The following CCR5AS variants were observed in gnomAD, a reference collection of about 807,000 sequenced individuals.
CCR5AS encodes the protein CCR5 antisense RNA.
At chr3:46,375,170 T>A (rs1331153903) in intron 2 of CCR5AS, 1 of 167,056 alleles carries the variant, frequency 6.0e-6, no homozygotes, top group Non-Finnish European at 1.5e-5. Context: ...CCAGGCTGTC[T>A]TTCACTGAAT....
At chr3:46,375,460 A>T (rs553155294) in intron 2 of CCR5AS, 1 of 167,172 alleles carries the variant, frequency 6.0e-6, no homozygotes, top group East Asian at 1.9e-4. Flanking sequence ...AGCATTGAGC[A>T]AAGGGGTCCC....
At chr3:46,376,152 T>C (rs1701755038) in intron 2 of CCR5AS, 6 of 167,008 alleles carry the variant, frequency 3.6e-5, no homozygotes. Flanking sequence ...TATGTGAAAG[T>C]TACAAATTGC....
intron 2 of CCR5AS, among the ~76,000 whole-genome samples, chr3:46,391,715 G>A (rs1352569164): frequency 2.0e-5 from 3 of 152,310 alleles, no homozygotes; most frequent in East Asian, 1.9e-4. Flanking sequence ...GTTGTGGAAC[G>A]AAACTGTAAG....
At chr3:46,372,157 C>T (rs928143528) in intron 2 of CCR5AS, among the ~76,000 whole-genome samples, 19 of 152,144 alleles carry the variant, frequency 1.2e-4, no homozygotes, top group African/African-American at 3.9e-4. Flanking sequence ...AGTATGTGCC[C>T]TCGAGGCCTC....
intron 2 of CCR5AS, among the ~76,000 whole-genome samples, chr3:46,380,327 T>C (rs1424181342): frequency 6.6e-6 from 1 of 152,146 alleles, no homozygotes; most frequent in Non-Finnish European, 1.5e-5. Context: ...AGATTTGCAT[T>C]TCTAAAGGGC....
intron 2 of CCR5AS, among the ~76,000 whole-genome samples, chr3:46,390,048 C>A (rs565268467): frequency 6.6e-6 from 1 of 152,132 alleles, no homozygotes; most frequent in Non-Finnish European, 1.5e-5. Flanking sequence ...AGATCATCAA[C>A]ATATTGAATA....
chr3:46,386,151 G>T (rs1460524185), intron 2 of CCR5AS, among the ~76,000 whole-genome samples: 1 of 152,002 alleles, frequency 6.6e-6, no homozygotes, highest in Non-Finnish European at 1.5e-5. Flanking sequence ...CCTGGACTCA[G>T]GTGATCAGCC....
At chr3:46,373,698 CT>C in intron 2 of CCR5AS, 1 of 1,614,114 alleles carries the variant, frequency 6.2e-7, no homozygotes, top group Non-Finnish European at 8.5e-7. Flanking sequence ...ATTCTTTGGC[CT>C]GAATAATTGC....
At chr3:46,367,479 T>G (rs531531657) in intron 3 of CCR5AS, among the ~76,000 whole-genome samples, 1 of 152,216 alleles carries the variant, frequency 6.6e-6, no homozygotes, top group Non-Finnish European at 1.5e-5. Flanking sequence ...AGACATTGTT[T>G]TGATACTGTG....
intron 2 of CCR5AS, among the ~76,000 whole-genome samples, chr3:46,371,976 G>T (rs1418142677): frequency 6.6e-6 from 1 of 152,146 alleles, no homozygotes; most frequent in Admixed American, 6.5e-5. Context: ...CAGGCTTCCC[G>T]CATTCAAAAT....
intron 1 of CCR5AS, among the ~76,000 whole-genome samples, chr3:46,403,110 A>G (rs1472130835): frequency 6.6e-6 from 1 of 152,230 alleles, no homozygotes; most frequent in Non-Finnish European, 1.5e-5. Flanking sequence ...CATGGTGTAT[A>G]TGTACCACAC....
chr3:46,400,938 C>T (rs1702001030), intron 1 of CCR5AS, among the ~76,000 whole-genome samples: 1 of 152,158 alleles, frequency 6.6e-6, no homozygotes, highest in Non-Finnish European at 1.5e-5. Context: ...AAATCTGAGA[C>T]AGATGTGAGA....
intron 1 of CCR5AS, among the ~76,000 whole-genome samples, chr3:46,395,431 A>C (rs1701951176): frequency 6.6e-6 from 1 of 152,140 alleles, no homozygotes; most frequent in Admixed American, 6.5e-5. Flanking sequence ...GGGAGCCCTA[A>C]AGAACAGTGA....
intron 2 of CCR5AS, among the ~76,000 whole-genome samples, chr3:46,386,617 G>A (rs1425683454): frequency 6.6e-6 from 1 of 152,210 alleles, no homozygotes; most frequent in African/African-American, 2.4e-5. Flanking sequence ...AGGAATTGTT[G>A]CACATTAACA....
intron 2 of CCR5AS, among the ~76,000 whole-genome samples, chr3:46,382,066 G>A (rs1701822000): frequency 6.6e-6 from 1 of 152,250 alleles, no homozygotes; most frequent in African/African-American, 2.4e-5. Context: ...TTGAGCTGCA[G>A]ACATAGATAA....
At chr3:46,369,222 A>G (rs1233193559) in intron 3 of CCR5AS, among the ~76,000 whole-genome samples, 1 of 152,182 alleles carries the variant, frequency 6.6e-6, no homozygotes, top group Non-Finnish European at 1.5e-5. Context: ...CTCTACAGTT[A>G]AGAAAACTAA....
intron 2 of CCR5AS, among the ~76,000 whole-genome samples, chr3:46,392,228 A>C (rs1274722701): frequency 1.3e-5 from 2 of 152,228 alleles, no homozygotes; most frequent in Non-Finnish European, 2.9e-5. Flanking sequence ...TACCCACTCC[A>C]CATTACCTTC....
intron 2 of CCR5AS, chr3:46,372,909 T>A (rs1701682906): frequency 1.9e-6 from 3 of 1,581,374 alleles, no homozygotes; most frequent in Non-Finnish European, 2.6e-6. Context: ...CAAGATGGAT[T>A]ATCAAGTGTC....
intron 2 of CCR5AS, among the ~76,000 whole-genome samples, chr3:46,371,978 A>C (rs916767001): frequency 6.6e-6 from 1 of 152,164 alleles, no homozygotes; most frequent in African/African-American, 2.4e-5. Flanking sequence ...GGCTTCCCGC[A>C]TTCAAAATCG....
Sources: gnomAD v4.1 joint callset for allele counts (sites outside exome capture counted in the v4.1 genomes callset) on GRCh38, gnomAD v4.1.1 for gene constraint, MANE v1.5 for transcripts, NCBI Gene and HGNC (gene_info 2026-07-23, HGNC 2026-07-21) for gene names.